The following ZXDC variants were observed in gnomAD, a reference collection of about 807,000 sequenced individuals.
ZXDC encodes ZXD family zinc finger C, also known as zinc finger protein ZXDC.
In ZXDC, 58 loss-of-function variants were observed where a neutral mutation model predicts 63.6. The ratio of observed to expected loss-of-function variants is 0.91; its 90% CI spans 0.74 to 1.13. ZXDC has a LOEUF of 1.13. ZXDC is among the 50% of genes most tolerant of loss of function. The probability of loss-of-function intolerance (pLI) is 0.00; values close to 1 mark genes in which losing one functional copy is unlikely to be tolerated. For synonymous variants in ZXDC, 561 were observed against 496.1 expected (o/e 1.13, Z -1.74); for missense variants, 1,133 against 1,148.9 (o/e 0.99, Z 0.20).
rs1164110060 is a variant in ZXDC, at chr3:126,474,976, T to A, written c.890A>T (p.Tyr297Phe). 1 of 1,585,390 alleles carries A rather than the reference T, an allele frequency of 6.3e-7. No individual in the cohort carries two copies. The highest frequency in any genetic ancestry group is 8.6e-7 in the Non-Finnish European group (1 of 1,166,254). ...QRSHFEPERP[Y>F]KCDFPGCEKT... ...GCGGTTACCGGGAAAGTCACACTTG[T>A]AAGGGCGCTCGGGCTCGAAGTGGCT... Residue 297 changes from tyrosine (Y) to phenylalanine (F), a missense_variant, in exon 1 of 10, where the codon TAC (tyrosine) becomes TTC (phenylalanine). By Grantham distance (22) the Tyr-to-Phe change is conservative (BLOSUM62 3). Coordinates refer to ENST00000389709, the MANE Select transcript of ZXDC (RefSeq NM_025112.5).
At chr3:126,452,675 A>G in intron 7 of ZXDC, 7 of 567,408 alleles carry the variant, frequency 1.2e-5, no homozygotes, top group Non-Finnish European at 1.6e-5. Flanking sequence ...ATATATTGCC[A>G]GATCCTAAGT....
chr3:126,445,628 CCTGCCACAGATGA>C, intron 7 of ZXDC, among the ~76,000 whole-genome samples: 1 of 151,666 alleles, frequency 6.6e-6, no homozygotes, highest in South Asian at 2.1e-4. Context: ...AGGGGGAGAA[CCTGCCACAGATGA>C]GCTCGGACAC....
At chr3:126,444,476 G>A (rs1170936837) in intron 7 of ZXDC, among the ~76,000 whole-genome samples, 1 of 151,808 alleles carries the variant, frequency 6.6e-6, no homozygotes, top group Non-Finnish European at 1.5e-5. Flanking sequence ...AGCTTGCAGT[G>A]AGCCGAGATC....
At chr3:126,443,456 A>T (rs1933758217) in intron 7 of ZXDC, 1 of 152,286 alleles carries the variant, frequency 6.6e-6, no homozygotes, top group Non-Finnish European at 1.5e-5. Context: ...TTAAGTCTGC[A>T]ATAACATTAT....
In ZXDC at chr3:126,460,664, G is replaced by A. The variant is rs576114568; in HGVS notation, c.2127+871C>T. The A allele has an allele frequency of 2.6e-5, 26 of 985,280 alleles. No homozygotes were observed. The South Asian group carries it at 8.9e-4, about 34-fold the overall frequency. 61.0% of individuals were successfully genotyped at this position (985,280 alleles called of 1,614,324 possible). A position where few individuals can be genotyped will look rare whatever the true frequency, so the allele number is the denominator to read the frequency against. On this transcript the variant is annotated intron_variant, in intron 6 of 9. Transcript: ENST00000389709. ...TACTATGGCCGCCTAAGCAAATGCC[G>A]GCAAGCATGGCTCTGCCACCGACAA...
In ZXDC at chr3:126,459,818, C is replaced by T. The variant is rs1238651563; in HGVS notation, c.2128-81G>A. 4.3e-6 allele frequency: 7 copies of T among 1,609,584 alleles called. No homozygotes were observed. In the African/African-American group the frequency reaches 6.7e-5, roughly 15 times the overall value. ...AAGGGAGCTACAGAAGTGCCATAAG[C>T]CTGCTTCTGGGACATATCCGAGCTC... is the stretch of plus-strand genomic sequence containing the variant. On this transcript the variant is annotated intron_variant, in intron 6 of 9. Transcript: ENST00000389709.
At chr3:126,463,173 G>A (rs1271026344) in intron 5 of ZXDC, among the ~76,000 whole-genome samples, 4 of 151,642 alleles carry the variant, frequency 2.6e-5, no homozygotes, top group East Asian at 1.9e-4. Flanking sequence ...GGTTCACCCC[G>A]TTCTCTTGCC....
chr3:126,470,025 G>A (rs1044259912), intron 4 of ZXDC, among the ~76,000 whole-genome samples: 3 of 152,130 alleles, frequency 2.0e-5, no homozygotes, highest in African/African-American at 7.2e-5. Context: ...ATGACCACCC[G>A]ACGTGTCCTG....
At chr3:126,459,094 C>T (rs906051251) in intron 7 of ZXDC, 1 of 985,456 alleles carries the variant, frequency 1.0e-6, no homozygotes, top group Non-Finnish European at 1.2e-6. Context: ...CCATTAAGCA[C>T]TACATCCCAC....
intron 7 of ZXDC, among the ~76,000 whole-genome samples, chr3:126,445,355 A>G (rs184548065): frequency 2.9e-4 from 44 of 152,114 alleles, no homozygotes; most frequent in African/African-American, 1.1e-3. Flanking sequence ...ATGTACCTCA[A>G]GCAGAACATC....
rs148895646 is a variant in ZXDC at position 126,460,241 on chromosome 3, G to T, written c.2128-504C>A. The T allele has an allele frequency of 1.7e-5, 13 of 769,490 alleles. No individual in the cohort carries two copies. The East Asian group carries it at 1.5e-3, about 90-fold the overall frequency. 47.7% of individuals were successfully genotyped at this position (769,490 alleles called of 1,614,324 possible). ...ATAATAATGATGGTACTGAATTCAG[G>T]AACTTGCCTGAGGGAGTCAGACAGT... On this transcript the variant is annotated intron_variant, in intron 6 of 9. Transcript: ENST00000389709.
chr3:126,454,786 T>A, intron 7 of ZXDC: 1 of 985,442 alleles, frequency 1.0e-6, no homozygotes, highest in Non-Finnish European at 1.2e-6. Context: ...TTTTTAAGCT[T>A]AACTTTGCTA....
rs1055308092 is a variant in ZXDC, at chr3:126,462,018, A to G, written c.1644T>C (p.Ser548=). 6.2e-7 allele frequency: 1 copy of G among 1,614,096 alleles called. No homozygotes were observed. The highest frequency in any genetic ancestry group is 8.5e-7 in the Non-Finnish European group (1 of 1,180,024). The change falls in exon 6 of 10, where the codon TCT becomes TCC. Residue 548 remains serine (S), a synonymous_variant. Coordinates refer to ENST00000389709, the MANE Select transcript of ZXDC (RefSeq NM_025112.5). The part of the protein sequence containing the change: ...LTIDVTSVSS[S]LGGNLPANNS... ...TATTAGCAGGGAGGTTCCCTCCCAG[A>G]GAGGAGCTCACAGAAGTGACGTCAA... is the stretch of plus-strand genomic sequence containing the variant.
At chr3:126,474,812 T>C (rs1935117153) in intron 1 of ZXDC, 147 bp downstream of exon 1, 1 of 992,628 alleles carries the variant, frequency 1.0e-6, no homozygotes, top group Non-Finnish European at 1.4e-6. Flanking sequence ...TCAAATCGAA[T>C]GACATGGAAG....
At chr3:126,471,947 A>G in intron 3 of ZXDC, 26 bp downstream of exon 3, 1 of 1,590,494 alleles carries the variant, frequency 6.3e-7, no homozygotes, top group Non-Finnish European at 8.6e-7. Context: ...CAAACCTGAT[A>G]ATGCAAACCA....
At chr3:126,454,801 T>A in intron 7 of ZXDC, 1 of 985,454 alleles carries the variant, frequency 1.0e-6, no homozygotes, top group Non-Finnish European at 1.2e-6. Flanking sequence ...TTGCTATTCA[T>A]TTCAAGAATA....
At chr3:126,439,934 G>A in intron 8 of ZXDC, 2 of 1,405,660 alleles carry the variant, frequency 1.4e-6, no homozygotes, top group Non-Finnish European at 1.8e-6. Flanking sequence ...CTGTCACCTT[G>A]ATCCCAGCAG....
chr3:126,448,089 T>C (rs1217032989), intron 7 of ZXDC, among the ~76,000 whole-genome samples: 3 of 152,228 alleles, frequency 2.0e-5, no homozygotes, highest in Non-Finnish European at 4.4e-5. Flanking sequence ...CCTCACAGGA[T>C]TGTTGCGAGG....
chr3:126,452,016 C>G, intron 7 of ZXDC: 2 of 985,358 alleles, frequency 2.0e-6, no homozygotes, highest in South Asian at 9.4e-5. Context: ...ATTCTTTATT[C>G]TGTATGGAAT....
Sources: allele counts gnomAD v4.1 joint callset (sites outside exome capture counted in the v4.1 genomes callset), GRCh38; gene constraint gnomAD v4.1.1; transcripts MANE v1.5; gene names NCBI Gene and HGNC (gene_info 2026-07-23, HGNC 2026-07-21).